MTBP: variants seen among roughly 807,000 people sequenced by gnomAD.
MTBP encodes the protein MDM2 binding protein, also known as mdm2-binding protein.
Under a neutral mutation model 117.0 loss-of-function variants are expected in MTBP, and 101 were observed. The observed-to-expected ratio is 0.86, with a 90% CI of 0.73 to 1.02. MTBP has a LOEUF of 1.02. MTBP is among the 50% of genes least tolerant of loss of function. The pLI, the probability that MTBP is intolerant of heterozygous loss-of-function variation, is 0.00. For synonymous variants in MTBP, 350 were observed against 351.5 expected, an observed-to-expected ratio of 1.00 and a Z score of 0.05; for missense variants, 970 against 1,030.9, an observed-to-expected ratio of 0.94 and a Z score of 0.81.
intron 10 of MTBP, among the ~76,000 whole-genome samples, chr8:120,468,824 T>C (rs563318646): frequency 1.3e-5 from 2 of 151,948 alleles, no homozygotes; most frequent in South Asian, 4.2e-4. Flanking sequence ...GACCATGACC[T>C]TTTTTTTAGT....
chr8:120,515,810 T>G, intron 17 of MTBP, 115 bp from the exon 18 acceptor site: 1 of 985,290 alleles, frequency 1.0e-6, no homozygotes. Flanking sequence ...CCAGCAATTA[T>G]TAGGAAATTA....
Position 120,512,902 on chromosome 8 carries a change from G to A in MTBP, c.1979+2873G>A, listed in dbSNP as rs534507145. On this transcript the variant is annotated intron_variant, in intron 17 of 21. Coordinates refer to ENST00000305949, the MANE Select transcript of MTBP (RefSeq NM_022045.5). The stretch of plus-strand genomic sequence containing the variant: ...AAACAAAGTCAAGTAACATTTTAAA[G>A]TAAATATGAAACTACAAAGAAAGTT... 1.1e-4 allele frequency among the ~76,000 whole-genome samples: 17 copies of A among 152,090 alleles called. No homozygotes were observed. The East Asian group carries it at 3.1e-3, about 28-fold the overall frequency.
intron 17 of MTBP, among the ~76,000 whole-genome samples, chr8:120,512,327 A>G (rs1313362097): frequency 6.6e-6 from 1 of 152,164 alleles, no homozygotes; most frequent in Non-Finnish European, 1.5e-5. Context: ...ATAAGCTACA[A>G]TAATTACATT....
chr8:120,513,904 G>A (rs1030409038), intron 17 of MTBP, among the ~76,000 whole-genome samples: 1 of 151,840 alleles, frequency 6.6e-6, no homozygotes, highest in Non-Finnish European at 1.5e-5. Flanking sequence ...ACAGACTAGA[G>A]AAAGAATATT....
chr8:120,468,660 G>T (rs2130543837), intron 10 of MTBP, among the ~76,000 whole-genome samples: 1 of 151,964 alleles, frequency 6.6e-6, no homozygotes, highest in East Asian at 1.9e-4. Context: ...TCATGGAGAA[G>T]AATTGGGCCC....
chr8:120,506,574 A>G (rs972099106), intron 15 of MTBP, 132 bp from the exon 16 acceptor site: 2 of 557,556 alleles, frequency 3.6e-6, no homozygotes, highest in Non-Finnish European at 6.0e-6. Flanking sequence ...TAATTCTCCC[A>G]TGTTGCTGGT....
At chr8:120,503,155 G>A (rs568491483) in intron 15 of MTBP, among the ~76,000 whole-genome samples, 132 of 152,188 alleles carry the variant, frequency 8.7e-4, no homozygotes, top group African/African-American at 3.0e-3. Context: ...ACTTTTCTCC[G>A]AAATATTACA....
intron 4 of MTBP, chr8:120,452,218 A>G (rs1813371906): frequency 6.6e-6 from 1 of 152,208 alleles, no homozygotes; most frequent in African/African-American, 2.4e-5. Context: ...ACATTTCATG[A>G]CAAAACTGCT....
intron 17 of MTBP, among the ~76,000 whole-genome samples, chr8:120,512,036 T>C (rs1814822029): frequency 1.3e-5 from 2 of 152,158 alleles, no homozygotes; most frequent in Non-Finnish European, 2.9e-5. Context: ...TATAAAGCAG[T>C]ATCTCCCCCA....
chr8:120,460,910 C>T (rs1813569189), intron 8 of MTBP, among the ~76,000 whole-genome samples: 1 of 152,106 alleles, frequency 6.6e-6, no homozygotes, highest in East Asian at 1.9e-4. Context: ...TTACCTCTTC[C>T]CATACTTATT....
intron 17 of MTBP, among the ~76,000 whole-genome samples, chr8:120,512,479 T>G (rs1338404697): frequency 6.6e-6 from 1 of 152,116 alleles, no homozygotes; most frequent in Non-Finnish European, 1.5e-5. Context: ...GAAGAAATCT[T>G]GATATATACA....
chr8:120,502,396 C>T, intron 14 of MTBP, 96 bp from the exon 15 acceptor site: 3 of 739,756 alleles, frequency 4.1e-6, no homozygotes, highest in Non-Finnish European at 6.5e-6. Flanking sequence ...CACACATACA[C>T]ACACACGTAT....
chr8:120,456,605 G>C lies in MTBP; in HGVS notation c.682G>C (p.Asp228His). The C allele has an allele frequency of 6.2e-7, 1 of 1,601,418 alleles. No individual in the cohort carries two copies. The highest frequency in any genetic ancestry group is 1.7e-4 in the Middle Eastern group (1 of 6,020). The part of the protein sequence containing the change: ...YLSANVVSLE[D>H]LRNVIDSKEL... ...TTCTGCTAATGTTGTATCTTTAGAA[G>C]ATCTCAGAAATGTTATTGACTCAAA... is the stretch of plus-strand genomic sequence containing the variant. Residue 228 changes from aspartate to histidine, a missense_variant, in exon 7 of 22, where the codon GAT (aspartate) becomes CAT (histidine). Asp to His is a moderately conservative substitution (Grantham distance 81, BLOSUM62 -1). Transcript: ENST00000305949.
In MTBP at chr8:120,491,914, T is replaced by C. The variant is rs80266012; in HGVS notation, c.1447+1344T>C. On this transcript the variant is annotated intron_variant, in intron 13 of 21. Coordinates refer to ENST00000305949, the MANE Select transcript of MTBP (RefSeq NM_022045.5). The stretch of plus-strand genomic sequence containing the variant: ...CCTCCTGGTTGTGTGGGAAGGGAAA[T>C]ATGACAGCTATAACTAGGTTGCTGC... Among the ~76,000 whole-genome samples the C allele has an allele frequency of 5.1e-3, 781 of 152,206 alleles. 8 individuals are homozygous for C. Among genetic ancestry groups the C allele is most frequent in the African/African-American group, 0.017 (695 of 41,514 alleles).
chr8:120,494,887 C>T (rs1308086603), intron 13 of MTBP, among the ~76,000 whole-genome samples: 3 of 152,144 alleles, frequency 2.0e-5, no homozygotes, highest in Non-Finnish European at 4.4e-5. Flanking sequence ...ATTTCTGCTG[C>T]ACTCCTATCA....
At chr8:120,496,959 T>C (rs11778778) in intron 13 of MTBP, among the ~76,000 whole-genome samples, 31,585 of 152,150 alleles carry the variant, frequency 0.21, 3,451 homozygotes, top group Middle Eastern at 0.27. Flanking sequence ...AAAAATGTCA[T>C]TATTTATCAT....
intron 13 of MTBP, among the ~76,000 whole-genome samples, chr8:120,494,454 C>T (rs763230782): frequency 6.6e-6 from 1 of 152,170 alleles, no homozygotes; most frequent in Non-Finnish European, 1.5e-5. Context: ...TGGCAAACAG[C>T]AATGCACTAC....
chr8:120,459,140 A>G (rs535876733), intron 7 of MTBP, 75 bp from the exon 8 acceptor site: 2 of 1,294,652 alleles, frequency 1.5e-6, no homozygotes, highest in Admixed American at 5.4e-5. Context: ...CAACTTTTAC[A>G]TTGTAATAAG....
At chr8:120,458,520 G>A (rs1329426742) in intron 7 of MTBP, among the ~76,000 whole-genome samples, 4 of 152,016 alleles carry the variant, frequency 2.6e-5, no homozygotes, top group Admixed American at 2.0e-4. Context: ...CAAACTATGT[G>A]AGACACTGTG....
Sources: gnomAD v4.1 joint callset for allele counts (sites outside exome capture counted in the v4.1 genomes callset) on GRCh38, gnomAD v4.1.1 for gene constraint, MANE v1.5 for transcripts, NCBI Gene and HGNC (gene_info 2026-07-23, HGNC 2026-07-21) for gene names.